ZNF75A: variants seen among roughly 807,000 people sequenced by gnomAD.
ZNF75A encodes the protein zinc finger protein 75A.
A neutral mutation model predicts 46.3 loss-of-function variants in ZNF75A; 36 were observed. The ratio of observed to expected loss-of-function variants is 0.78; its 90% CI spans 0.60 to 1.03. The LOEUF (loss-of-function observed/expected upper bound fraction) is 1.03, where lower values mean the gene tolerates loss of function less well. ZNF75A is among the 50% of genes least tolerant of loss of function. The pLI, the probability that ZNF75A is intolerant of heterozygous loss-of-function variation, is 0.00. For synonymous variants in ZNF75A, 234 were observed against 189.9 expected (o/e 1.23, Z -1.91); for missense variants, 595 against 551.3 (o/e 1.08, Z -0.79).
In ZNF75A at chr16:3,318,355, C is replaced by G; in HGVS notation, c.*486C>G. On this transcript the variant is annotated 3_prime_UTR_variant, in exon 7 of 7. Coordinates refer to ENST00000669516, the MANE Select transcript of ZNF75A (RefSeq NM_001302109.2). ...AACTTTTCGGCAACTTCTCTTGGAT[C>G]CTGTTATCACAGTTTTTTACTGTGA... 1 of 988,008 alleles carries G rather than the reference C, an allele frequency of 1.0e-6. No individual in the cohort carries two copies. The highest frequency in any genetic ancestry group is 1.2e-6 in the Non-Finnish European group (1 of 831,752). The allele number at this position is 988,008 out of a possible 1,614,324, so 61.2% of individuals were successfully genotyped here.
intron 1 of ZNF75A, 111 bp from the exon 2 acceptor site, chr16:3,308,202 T>C (rs1230889217): frequency 6.4e-6 from 1 of 157,258 alleles, no homozygotes; most frequent in Admixed American, 6.5e-5. Context: ...CTAGTTGATT[T>C]TGAAGGGAAG....
At chr16:3,315,783 C>G (rs1224625968) in intron 5 of ZNF75A, among the ~76,000 whole-genome samples, 1 of 152,196 alleles carries the variant, frequency 6.6e-6, no homozygotes, top group South Asian at 2.1e-4. Flanking sequence ...GTTTCAGAAG[C>G]CTGTGGTTAC....
intron 2 of ZNF75A, chr16:3,309,462 A>G (rs1479718109): frequency 6.8e-6 from 1 of 148,022 alleles, no homozygotes; most frequent in South Asian, 2.2e-4. Flanking sequence ...AAAAAAAAAA[A>G]AAACAAAAAA....
In ZNF75A at chr16:3,317,186, A is replaced by G; in HGVS notation, c.935-4A>G. The stretch of plus-strand genomic sequence containing the variant: ...CAGATGTGTGATTATGTTTATTCCA[A>G]CAGGGTTAAAGCTCAAAAACGACAC... On this transcript the variant is annotated splice_region_variant and splice_polypyrimidine_tract_variant and intron_variant, in intron 6 of 6. Transcript: ENST00000669516. The G allele has an allele frequency of 6.2e-7, 1 of 1,602,392 alleles. No homozygotes were observed. The highest frequency in any genetic ancestry group is 8.5e-7 in the Non-Finnish European group (1 of 1,174,936).
At chr16:3,314,474 C>T (rs911336162) in intron 5 of ZNF75A, among the ~76,000 whole-genome samples, 2 of 152,192 alleles carry the variant, frequency 1.3e-5, no homozygotes, top group Non-Finnish European at 2.9e-5. Context: ...CCAAGACCCA[C>T]ACTGCCCAGC....
chr16:3,315,831 C>T (rs956614968), intron 5 of ZNF75A, among the ~76,000 whole-genome samples: 4 of 152,212 alleles, frequency 2.6e-5, no homozygotes, highest in African/African-American at 9.6e-5. Context: ...AAACTTCTTA[C>T]CAAGGCCTCA....
intron 5 of ZNF75A, chr16:3,314,616 C>T (rs989405495): frequency 4.1e-6 from 4 of 966,632 alleles, no homozygotes; most frequent in Middle Eastern, 5.3e-4. Context: ...CCCCCGTGGG[C>T]CCCCGCCTTT....
downstream of ZNF75A, among the ~76,000 whole-genome samples, chr16:3,319,973 C>G (rs542975111): frequency 6.6e-6 from 1 of 152,008 alleles, no homozygotes; most frequent in African/African-American, 2.4e-5. Flanking sequence ...TTTGTGAGAA[C>G]AAGAAATAAA....
In ZNF75A at chr16:3,318,848, T is replaced by C. The variant is rs1462260385; in HGVS notation, c.*979T>C. On this transcript the variant is annotated 3_prime_UTR_variant, in exon 7 of 7. Coordinates refer to ENST00000669516, the MANE Select transcript of ZNF75A (RefSeq NM_001302109.2). ...TTCCCTAAATAAAAGATTTGGGCAC[T>C]GGTGCTAAGTGTTGGGCGAGGATGA... The C allele has an allele frequency of 4.1e-6, 4 of 985,218 alleles. No homozygotes were observed. The highest frequency in any genetic ancestry group is 4.8e-6 in the Non-Finnish European group (4 of 829,828). 61.0% of individuals were successfully genotyped at this position (985,218 alleles called of 1,614,324 possible).
chr16:3,319,583 C>G (rs1248220700), downstream of ZNF75A, among the ~76,000 whole-genome samples: 1 of 152,132 alleles, frequency 6.6e-6, no homozygotes, highest in Non-Finnish European at 1.5e-5. Context: ...TAATGAAGGC[C>G]TATGATGTGT....
intron 5 of ZNF75A, 48 bp downstream of exon 5, chr16:3,313,223 C>T: frequency 6.3e-7 from 1 of 1,591,330 alleles, no homozygotes; most frequent in Non-Finnish European, 8.6e-7. Flanking sequence ...CTATTCTTGG[C>T]TTACTGAGAA....
intron 2 of ZNF75A, 188 bp from the exon 3 acceptor site, chr16:3,311,565 A>G (rs1477035502): frequency 6.4e-6 from 1 of 156,596 alleles, no homozygotes; most frequent in African/African-American, 2.4e-5. Flanking sequence ...CTTTCACCCT[A>G]GTTTTCTCAT....
At chr16:3,314,803 C>T in intron 5 of ZNF75A, 1 of 985,392 alleles carries the variant, frequency 1.0e-6, no homozygotes, top group Non-Finnish European at 1.2e-6. Context: ...ATTGGAGTTA[C>T]TGGATTACAC....
At chr16:3,321,676 C>T (rs1214788214), downstream of ZNF75A, among the ~76,000 whole-genome samples, 1 of 151,954 alleles carries the variant, frequency 6.6e-6, no homozygotes, top group Non-Finnish European at 1.5e-5. Flanking sequence ...GCTATGTTGC[C>T]CAGGCTGATC....
chr16:3,319,654 C>G (rs1961450106), downstream of ZNF75A, among the ~76,000 whole-genome samples: 1 of 152,208 alleles, frequency 6.6e-6, no homozygotes, highest in Non-Finnish European at 1.5e-5. Flanking sequence ...TGCATCCCCT[C>G]ATGGAACTTG....
At chr16:3,307,208 C>G (rs1960346432) in intron 1 of ZNF75A, 1 of 152,190 alleles carries the variant, frequency 6.6e-6, no homozygotes, top group South Asian at 2.1e-4. Context: ...CGTCAGGCCT[C>G]CCAAAGTGCT....
chr16:3,317,813 A>G lies in ZNF75A; in HGVS notation c.1558A>G (p.Arg520Gly), dbSNP rs1276680389. ...GEQPYTCSIC[R>G]RNFSRRSSLL... is the part of the protein sequence containing the mutation. Reference sequence around the variant, plus strand: ...GCAGCCATATACTTGTAGCATATGCAGGAGAAACTTCAGCAGGCGGTCAAG... The same window carrying G: ...GCAGCCATATACTTGTAGCATATGCGGGAGAAACTTCAGCAGGCGGTCAAG... The change falls in exon 7 of 7, where the codon AGG becomes GGG. Residue 520 changes from arginine to glycine, a missense_variant. Coordinates refer to ENST00000669516, the MANE Select transcript of ZNF75A (RefSeq NM_001302109.2). 4 of 1,613,662 alleles carry G rather than the reference A, an allele frequency of 2.5e-6. No individual in the cohort carries two copies. The highest frequency in any genetic ancestry group is 1.7e-5 in the Admixed American group (1 of 59,970).
chr16:3,316,894 A>G lies in ZNF75A; in HGVS notation c.824-18A>G. 2 of 1,582,260 alleles carry G rather than the reference A, an allele frequency of 1.3e-6. No homozygotes were observed. Among genetic ancestry groups the G allele is most frequent in the Non-Finnish European group, 1.7e-6 (2 of 1,154,928 alleles). On this transcript the variant is annotated intron_variant, in intron 5 of 6. Transcript: ENST00000669516. ...TGTTAAGTTACCAGTCCTTGACCTC[A>G]TTTTGTCCATTTGACAGCATTGTTT...
intron 3 of ZNF75A, 117 bp from the exon 4 acceptor site, chr16:3,312,560 C>T (rs2150813847): frequency 4.7e-6 from 1 of 214,616 alleles, no homozygotes; most frequent in Admixed American, 6.4e-5. Flanking sequence ...GCATCACACA[C>T]ACCACACGTG....
Sources: allele counts gnomAD v4.1 joint callset (sites outside exome capture counted in the v4.1 genomes callset), GRCh38; gene constraint gnomAD v4.1.1; transcripts MANE v1.5; gene names NCBI Gene and HGNC (gene_info 2026-07-23, HGNC 2026-07-21).